Variants in IGSF21 observed in about 807,000 individuals in gnomAD.
IGSF21 encodes immunoglobulin superfamily member 21.
A neutral mutation model predicts 46.8 loss-of-function variants in IGSF21; 28 were observed. That is an observed-to-expected ratio of 0.60 (90% confidence interval 0.44 to 0.82). The LOEUF (loss-of-function observed/expected upper bound fraction) is 0.82, where lower values mean the gene tolerates loss of function less well. Among genes scored for constraint, IGSF21 ranks in the 40% least tolerant of loss-of-function variants. IGSF21 has a pLI of 0.00. For missense variants in IGSF21, 624 were observed against 665.5 expected, an observed-to-expected ratio of 0.94 and a Z score of 0.69; for synonymous variants, 284 against 273.6, an observed-to-expected ratio of 1.04 and a Z score of -0.38.
intron 1 of IGSF21, among the ~76,000 whole-genome samples, chr1:18,131,613 C>T (rs535709734): frequency 2.4e-4 from 37 of 152,316 alleles, no homozygotes; most frequent in African/African-American, 8.2e-4. Flanking sequence ...ATTTCACTGG[C>T]ACAAGCTCGA....
intron 1 of IGSF21, chr1:18,113,677 A>G (rs1409270819): frequency 7.8e-6 from 1 of 128,842 alleles, no homozygotes; most frequent in Non-Finnish European, 1.6e-5. Context: ...GGCATCCCCA[A>G]GATGGGCCCT....
intron 1 of IGSF21, among the ~76,000 whole-genome samples, chr1:18,163,597 C>G (rs1468880983): frequency 6.6e-6 from 1 of 152,212 alleles, no homozygotes; most frequent in Non-Finnish European, 1.5e-5. Flanking sequence ...GGAGACAAGG[C>G]TCCTGAGATA....
intron 6 of IGSF21, among the ~76,000 whole-genome samples, chr1:18,372,339 A>G (rs764115960): frequency 6.6e-6 from 1 of 152,244 alleles, no homozygotes; most frequent in Admixed American, 6.5e-5. Flanking sequence ...AGTATCCCCA[A>G]CAGTGACCGG....
chr1:18,309,258 A>G (rs1396076616), intron 3 of IGSF21, among the ~76,000 whole-genome samples: 4 of 152,144 alleles, frequency 2.6e-5, no homozygotes, highest in African/African-American at 9.7e-5. Context: ...TAGCCACCCT[A>G]GGGGCAATGA....
intron 1 of IGSF21, among the ~76,000 whole-genome samples, chr1:18,141,112 A>C (rs887141469): frequency 6.6e-6 from 1 of 152,196 alleles, no homozygotes; most frequent in African/African-American, 2.4e-5. Flanking sequence ...ACCCAGCAGG[A>C]CAGGATGCTG....
chr1:18,295,541 C>T (rs60167316), intron 3 of IGSF21, among the ~76,000 whole-genome samples: 1,930 of 152,272 alleles, frequency 0.013, 38 homozygotes, highest in African/African-American at 0.039. Context: ...GAATGAGATG[C>T]TGGGTGCCAT....
chr1:18,309,608 T>C (rs2085462191), intron 3 of IGSF21, among the ~76,000 whole-genome samples: 1 of 152,204 alleles, frequency 6.6e-6, no homozygotes, highest in South Asian at 2.1e-4. Context: ...GCCCCTGCAC[T>C]GCACTTTCCA....
At chr1:18,357,727 C>G (rs966427617) in intron 4 of IGSF21, among the ~76,000 whole-genome samples, 6 of 152,038 alleles carry the variant, frequency 3.9e-5, no homozygotes, top group African/African-American at 1.5e-4. Context: ...CCAGGGACTC[C>G]TGGATGGAGA....
At chr1:18,173,273 C>T (rs868544539) in intron 1 of IGSF21, among the ~76,000 whole-genome samples, 8 of 152,278 alleles carry the variant, frequency 5.3e-5, no homozygotes, top group Middle Eastern at 3.4e-3. Flanking sequence ...CAGCGACAGG[C>T]AAGACTCCGT....
At chr1:18,182,582 T>A (rs925418981) in intron 1 of IGSF21, among the ~76,000 whole-genome samples, 1 of 152,326 alleles carries the variant, frequency 6.6e-6, no homozygotes, top group African/African-American at 2.4e-5. Context: ...TTTTCCCTCC[T>A]GGCAGTGACC....
chr1:18,243,553 T>C (rs901286672), intron 2 of IGSF21, among the ~76,000 whole-genome samples: 3 of 152,090 alleles, frequency 2.0e-5, no homozygotes, highest in Admixed American at 6.5e-5. Flanking sequence ...AAATCCAGTA[T>C]CCACCAAGCA....
intron 1 of IGSF21, among the ~76,000 whole-genome samples, chr1:18,132,504 C>T (rs1464945018): frequency 6.6e-6 from 1 of 152,198 alleles, no homozygotes; most frequent in African/African-American, 2.4e-5. Context: ...CAGCCCCAGC[C>T]TGTAGGCAGA....
At chr1:18,242,647 G>A (rs866747201) in intron 2 of IGSF21, among the ~76,000 whole-genome samples, 3 of 152,156 alleles carry the variant, frequency 2.0e-5, no homozygotes, top group African/African-American at 7.2e-5. Context: ...ATTTCCTTAC[G>A]TGCTTTCAAC....
chr1:18,302,174 CA>C (rs1243233927), intron 3 of IGSF21, among the ~76,000 whole-genome samples: 1 of 64 alleles, frequency 0.016, no homozygotes, highest in Non-Finnish European at 0.036. Context: ...AAAGGTGCTC[CA>C]GGCCCAAGCT....
chr1:18,145,572 T>C (rs1444308707), intron 1 of IGSF21, among the ~76,000 whole-genome samples: 2 of 151,904 alleles, frequency 1.3e-5, no homozygotes, highest in African/African-American at 4.8e-5. Context: ...TGACCTTCTT[T>C]CCACCGAGGA....
intron 2 of IGSF21, chr1:18,278,734 T>G (rs2085129195): frequency 2.3e-6 from 1 of 428,508 alleles, no homozygotes; most frequent in South Asian, 1.7e-5. Flanking sequence ...TCTGATATTT[T>G]TTGTAGAGAT....
chr1:18,284,106 C>A (rs773613609), intron 2 of IGSF21, among the ~76,000 whole-genome samples: 3 of 152,110 alleles, frequency 2.0e-5, no homozygotes. Context: ...CTCCCAGCAC[C>A]AAGCACAGCT....
chr1:18,241,871 T>C (rs781685588), intron 2 of IGSF21, among the ~76,000 whole-genome samples: 2 of 152,182 alleles, frequency 1.3e-5, no homozygotes, highest in Non-Finnish European at 2.9e-5. Flanking sequence ...CCCCAAGTCT[T>C]GCATATGGTA....
intron 1 of IGSF21, among the ~76,000 whole-genome samples, chr1:18,123,274 G>C (rs1378046063): frequency 6.6e-6 from 1 of 152,192 alleles, no homozygotes; most frequent in African/African-American, 2.4e-5. Context: ...CCTGCCTCTA[G>C]GATGAAGCAT....
Sources: allele counts gnomAD v4.1 joint callset (sites outside exome capture counted in the v4.1 genomes callset), GRCh38; gene constraint gnomAD v4.1.1; transcripts MANE v1.5; gene names NCBI Gene and HGNC (gene_info 2026-07-23, HGNC 2026-07-21).